The following PLXNA1 variants were observed in gnomAD, a reference collection of about 807,000 sequenced individuals.
The protein encoded by PLXNA1 is plexin-A1.
A neutral mutation model predicts 191.7 loss-of-function variants in PLXNA1; 77 were observed. The observed-to-expected ratio is 0.40, with a 90% CI of 0.33 to 0.49. The LOEUF is 0.49. Among genes scored for constraint, PLXNA1 ranks in the 20% least tolerant of loss-of-function variants. The pLI is 0.63. For missense variants in PLXNA1, 2,110 were observed against 2,660.2 expected (o/e 0.79, Z 4.55); for synonymous variants, 1,137 against 1,156.4 (o/e 0.98, Z 0.34).
At chr3:127,016,143 G>A (rs1257346823) in intron 15 of PLXNA1, among the ~76,000 whole-genome samples, 5 of 152,044 alleles carry the variant, frequency 3.3e-5, no homozygotes, top group Non-Finnish European at 4.4e-5. Flanking sequence ...CCAGCCTGGC[G>A]TGCGTGGGAC....
rs772360004 is a variant in PLXNA1, at chr3:127,016,991, G to A, written c.3230G>A (p.Arg1077His). 52 of 1,613,380 alleles carry A rather than the reference G, an allele frequency of 3.2e-5. No homozygotes were observed. Among genetic ancestry groups the A allele is most frequent in the South Asian group, 5.5e-5 (5 of 91,080 alleles). The part of the protein sequence containing the change: ...TVTGTNLATV[R>H]EPRIRAKYGG... ...ACAGGCACCAACCTGGCCACTGTCC[G>A]TGAACCCCGAATCCGGGCCAAGTAT... The change falls in exon 17 of 32, where the codon CGT becomes CAT. Residue 1077 changes from arginine to histidine, a missense_variant. Coordinates refer to ENST00000393409, the MANE Select transcript of PLXNA1 (RefSeq NM_032242.4).
intron 4 of PLXNA1, 93 bp from the exon 5 acceptor site, chr3:127,004,518 G>A: frequency 2.2e-6 from 2 of 890,110 alleles, no homozygotes; most frequent in Non-Finnish European, 3.6e-6. Flanking sequence ...GGCCTCCCCG[G>A]GCCTAAGGAG....
At position 127,032,745 on chromosome 3, in the gene PLXNA1, T is replaced by G; in HGVS notation, c.5504T>G (p.Leu1835Arg). The G allele has an allele frequency of 6.2e-7, 1 of 1,613,410 alleles. No homozygotes were observed. Among genetic ancestry groups the G allele is most frequent in the Non-Finnish European group, 8.5e-7 (1 of 1,180,000 alleles). The change falls in exon 31 of 32, where the codon CTG becomes CGG. Residue 1835 changes from leucine (L) to arginine (R), a missense_variant. Leu to Arg is a moderately radical substitution (Grantham distance 102, BLOSUM62 -2). Coordinates refer to ENST00000393409, the MANE Select transcript of PLXNA1 (RefSeq NM_032242.4). ...AISDQDMSAYLAEQSRLHLSQ... is the reference protein window; with the variant it reads ...AISDQDMSAYRAEQSRLHLSQ... The stretch of plus-strand genomic sequence containing the variant: ...AGCGACCAGGACATGAGTGCGTATC[T>G]GGCTGAGCAGTCCCGCCTGCACCTG...
At chr3:127,007,596 C>T (rs2079075128) in intron 8 of PLXNA1, among the ~76,000 whole-genome samples, 2 of 152,094 alleles carry the variant, frequency 1.3e-5, no homozygotes, top group Admixed American at 6.6e-5. Context: ...AAGACACCTC[C>T]AGCTGTCGGG....
At position 126,988,817 on chromosome 3, in the gene PLXNA1, C is replaced by T. The variant is rs1026473086; in HGVS notation, c.224C>T (p.Ser75Leu). 9 of 1,613,106 alleles carry T rather than the reference C, an allele frequency of 5.6e-6. No individual in the cohort carries two copies. Among genetic ancestry groups the T allele is most frequent in the Middle Eastern group, 1.6e-4 (1 of 6,062 alleles). ...VGAVNRIYKL[S>L]GNLTLLRAHV... ...GCAGTGAACCGCATCTATAAGCTGT[C>T]GGGGAACCTGACACTGCTGCGGGCC... The change falls in exon 2 of 32, where the codon TCG becomes TTG. Residue 75 changes from serine (S) to leucine (L), a missense_variant. This residue lies in a region of PLXNA1 where 903 missense variants were observed against 1,015.7 expected (regional missense o/e 0.89). Transcript: ENST00000393409.
At chr3:127,024,704 A>G (rs1204297620) in intron 23 of PLXNA1, among the ~76,000 whole-genome samples, 1 of 151,680 alleles carries the variant, frequency 6.6e-6, no homozygotes, top group Non-Finnish European at 1.5e-5. Flanking sequence ...TTCTAGGAGG[A>G]CCCCTATATA....
At chr3:127,018,589 C>T (rs1487578485) in intron 20 of PLXNA1, 61 bp downstream of exon 20, 2 of 1,317,640 alleles carry the variant, frequency 1.5e-6, no homozygotes, top group Admixed American at 3.7e-5. Flanking sequence ...CCTGGCCTGT[C>T]CCCACACCTA....
At position 126,990,428 on chromosome 3, in the gene PLXNA1, G is replaced by A. The variant is rs533726920; in HGVS notation, c.1194+641G>A. ...CCAGCACCCATCAGAAGGCACAGCTGGGGTGGGGCCTCTATCTCGCTGCCT... is the reference window on the plus strand; with the variant it reads ...CCAGCACCCATCAGAAGGCACAGCTAGGGTGGGGCCTCTATCTCGCTGCCT... On this transcript the variant is annotated intron_variant, in intron 2 of 31. Coordinates refer to ENST00000393409, the MANE Select transcript of PLXNA1 (RefSeq NM_032242.4). 9.8e-4 allele frequency among the ~76,000 whole-genome samples: 150 copies of A among 152,354 alleles called. 1 individual carries two copies. The highest frequency in any genetic ancestry group is 3.9e-4 in the East Asian group (2 of 5,180).
chr3:127,005,468 G>T (rs1040778125), intron 7 of PLXNA1, among the ~76,000 whole-genome samples: 3 of 152,192 alleles, frequency 2.0e-5, no homozygotes, highest in Non-Finnish European at 2.9e-5. Flanking sequence ...GTGGACAGCG[G>T]ATACATCCTT....
At chr3:127,008,928 G>T (rs992661717) in intron 9 of PLXNA1, among the ~76,000 whole-genome samples, 1 of 152,204 alleles carries the variant, frequency 6.6e-6, no homozygotes, top group Non-Finnish European at 1.5e-5. Context: ...CTGTGTCAGG[G>T]TGACTGCCTA....
rs774535244 is a variant in PLXNA1 at position 127,014,519 on chromosome 3, C to T, written c.2646C>T (p.Leu882=). The change falls in exon 13 of 32, where the codon CTC becomes CTT. Residue 882 remains leucine, a synonymous_variant. Coordinates refer to ENST00000393409, the MANE Select transcript of PLXNA1 (RefSeq NM_032242.4). ...ETGPRQGGTR[L]TITGENLGLR... ...GCCCGAGGCAGGGCGGCACGCGGCT[C>T]ACTATCACAGGCGAGAACCTGGGCC... 8.8e-5 allele frequency: 141 copies of T among 1,608,872 alleles called. No homozygotes were observed. The highest frequency in any genetic ancestry group is 1.2e-5 in the Non-Finnish European group (14 of 1,179,832).
At chr3:126,984,905 C>G (rs1444593824) in intron 1 of PLXNA1, among the ~76,000 whole-genome samples, 1 of 152,192 alleles carries the variant, frequency 6.6e-6, no homozygotes, top group Non-Finnish European at 1.5e-5. Flanking sequence ...TTCTCAGGAG[C>G]AGGACTCCAA....
chr3:127,004,675 G>T lies in PLXNA1; in HGVS notation c.1583G>T (p.Arg528Leu). ...YTSCELCLGS[R>L]DPHCGWCVLH... ...TCCTGTGAGCTGTGTCTGGGGTCAC[G>T]GGACCCCCACTGTGGCTGGTGTGTC... Residue 528 changes from arginine to leucine, a missense_variant, in exon 5 of 32, where the codon CGG (arginine) becomes CTG (leucine). By Grantham distance (102) the Arg-to-Leu change is moderately radical. This residue lies in a region of PLXNA1 where 903 missense variants were observed against 1,015.7 expected (regional missense o/e 0.89). Transcript: ENST00000393409. The T allele has an allele frequency of 6.3e-7, 1 of 1,591,040 alleles. No individual in the cohort carries two copies. Among genetic ancestry groups the T allele is most frequent in the East Asian group, 2.3e-5 (1 of 43,998 alleles).
rs1354452374 is a variant in PLXNA1 at position 127,014,696 on chromosome 3, C to T, written c.2757-15C>T. 2.5e-6 allele frequency: 4 copies of T among 1,610,918 alleles called. No individual in the cohort carries two copies. Among genetic ancestry groups the T allele is most frequent in the Non-Finnish European group, 3.4e-6 (4 of 1,179,464 alleles). On this transcript the variant is annotated splice_polypyrimidine_tract_variant and intron_variant, in intron 13 of 31. Coordinates refer to ENST00000393409, the MANE Select transcript of PLXNA1 (RefSeq NM_032242.4). Reference sequence around the variant, plus strand: ...GGCGGGGCTCCTGCAGCCCCTGAGGCCCGCCTGCCCACAGGATCGTCTGTG... The same window carrying T: ...GGCGGGGCTCCTGCAGCCCCTGAGGTCCGCCTGCCCACAGGATCGTCTGTG...
intron 14 of PLXNA1, 21 bp from the exon 15 acceptor site, chr3:127,015,163 G>A (rs1195309422): frequency 1.3e-6 from 2 of 1,599,382 alleles, no homozygotes; most frequent in Admixed American, 3.4e-5. Flanking sequence ...GAGAGTTTCA[G>A]CAAGTTCCCT....
chr3:126,992,418 G>C (rs1013126689), intron 3 of PLXNA1, among the ~76,000 whole-genome samples: 1 of 152,012 alleles, frequency 6.6e-6, no homozygotes, highest in Admixed American at 6.5e-5. Flanking sequence ...ATGTGTGCCC[G>C]CGAGTGGGGC....
In PLXNA1 at chr3:127,020,287, T is replaced by C. The variant is rs373125440; in HGVS notation, c.3981T>C (p.Tyr1327=). 194 of 1,613,098 alleles carry C rather than the reference T, an allele frequency of 1.2e-4. No individual in the cohort carries two copies. The highest frequency in any genetic ancestry group is 1.6e-4 in the Middle Eastern group (1 of 6,082). The change falls in exon 21 of 32, where the codon TAT becomes TAC. Residue 1327 remains tyrosine (Y), a synonymous_variant. Transcript: ENST00000393409. The stretch of plus-strand genomic sequence containing the variant: ...TCCCCTTCCTTGACTACCGGACATA[T>C]GCCATGCGGGTGCTCTTTCCTGGGA... ...AGIPFLDYRT[Y]AMRVLFPGIE... is the part of the protein sequence containing the mutation.
chr3:127,018,153 A>G, intron 19 of PLXNA1, 141 bp from the exon 20 acceptor site: 1 of 892,992 alleles, frequency 1.1e-6, no homozygotes, highest in Non-Finnish European at 1.7e-6. Context: ...CAGTGTCTCC[A>G]CCCTGGTGAC....
chr3:127,023,445 A>G (rs772861714), intron 23 of PLXNA1, among the ~76,000 whole-genome samples: 4 of 151,988 alleles, frequency 2.6e-5, no homozygotes, highest in Non-Finnish European at 5.9e-5. Context: ...TGGTTAGCCC[A>G]CTCCTGAGAG....
Sources: gnomAD v4.1 joint callset for allele counts (sites outside exome capture counted in the v4.1 genomes callset) on GRCh38, gnomAD v4.1.1 for gene constraint, gnomAD v4.1.1 regional missense constraint, MANE v1.5 for transcripts, NCBI Gene and HGNC (gene_info 2026-07-23, HGNC 2026-07-21) for gene names.